The following ACVR1 variants were observed in gnomAD, a reference collection of about 807,000 sequenced individuals.
ACVR1 encodes the protein activin A receptor type 1, also known as activin receptor type-1.
A neutral mutation model predicts 57.1 loss-of-function variants in ACVR1; 38 were observed. The observed-to-expected ratio is 0.67, with a 90% CI of 0.51 to 0.87. The LOEUF (loss-of-function observed/expected upper bound fraction) is 0.87. ACVR1 is among the 40% of genes least tolerant of loss of function. The pLI is 0.00. For missense variants in ACVR1, 463 were observed against 638.2 expected (o/e 0.73, Z 2.96); for synonymous variants, 212 against 228.1 (o/e 0.93, Z 0.63).
chr2:157,807,789 G>A (rs1687603919), intron 2 of ACVR1, among the ~76,000 whole-genome samples: 1 of 133,216 alleles, frequency 7.5e-6, no homozygotes, highest in Non-Finnish European at 1.5e-5. Flanking sequence ...TACAGTGTTA[G>A]AAGCACTGCT....
In ACVR1 at chr2:157,741,500, G is replaced by A. The variant is rs542260644; in HGVS notation, c.1265-2930C>T. Among the ~76,000 whole-genome samples the A allele has an allele frequency of 5.9e-5, 9 of 151,780 alleles. No individual in the cohort carries two copies. The South Asian group carries it at 6.2e-4, about 11-fold the overall frequency. On this transcript the variant is annotated intron_variant, in intron 9 of 10. Coordinates refer to ENST00000434821, the MANE Select transcript of ACVR1 (RefSeq NM_001111067.4). ...ATTAGCTTGGTGTGGTGGTGTGTGC[G>A]TGTAGTCCAGGCAACTAGGGAGGCT...
intron 1 of ACVR1, among the ~76,000 whole-genome samples, chr2:157,853,002 G>A (rs941538271): frequency 6.6e-6 from 1 of 152,182 alleles, no homozygotes. Flanking sequence ...AAAACTTATT[G>A]TAGCTAGTAA....
At chr2:157,772,094 AAAGAAAACAG>A (rs1301247226) in intron 6 of ACVR1, among the ~76,000 whole-genome samples, 1 of 152,224 alleles carries the variant, frequency 6.6e-6, no homozygotes, top group Non-Finnish European at 1.5e-5. Flanking sequence ...TTGTTGTTTT[AAAGAAAACAG>A]AAGATGAATG....
chr2:157,828,850 T>C (rs1688485947), intron 1 of ACVR1, among the ~76,000 whole-genome samples: 1 of 152,152 alleles, frequency 6.6e-6, no homozygotes, highest in Non-Finnish European at 1.5e-5. Flanking sequence ...CACTCCAACC[T>C]CTGCCTCCCG....
In ACVR1 at chr2:157,780,335, A is replaced by C; in HGVS notation, c.331+2T>G. On this transcript the variant is annotated splice_donor_variant, in intron 4 of 10. Coordinates refer to ENST00000434821, the MANE Select transcript of ACVR1 (RefSeq NM_001111067.4). LOFTEE classifies it high-confidence loss of function. ...TCTAGAAATAGAAAAGTCCATGGGA[A>C]CCTTTAGTGGGCAGCTGGGCCGTGA... 6.2e-7 allele frequency: 1 copy of C among 1,614,150 alleles called. No individual in the cohort carries two copies. Among genetic ancestry groups the C allele is most frequent in the Non-Finnish European group, 8.5e-7 (1 of 1,180,008 alleles).
intron 1 of ACVR1, among the ~76,000 whole-genome samples, chr2:157,866,462 T>C (rs748494150): frequency 1.3e-5 from 2 of 152,198 alleles, no homozygotes; most frequent in Non-Finnish European, 2.9e-5. Flanking sequence ...AAAGCTTCTC[T>C]GAATTTGAAA....
chr2:157,741,901 G>C (rs1463516805), intron 9 of ACVR1, among the ~76,000 whole-genome samples: 2 of 152,254 alleles, frequency 1.3e-5, no homozygotes, highest in South Asian at 4.1e-4. Flanking sequence ...GAAAGGTCAA[G>C]AGTTTGCAAG....
intron 9 of ACVR1, among the ~76,000 whole-genome samples, chr2:157,741,508 C>G (rs1158616726): frequency 2.6e-5 from 4 of 151,626 alleles, no homozygotes; most frequent in Non-Finnish European, 4.4e-5. Context: ...GCGTGTAGTC[C>G]AGGCAACTAG....
chr2:157,751,434 C>G (rs543615957), intron 9 of ACVR1, among the ~76,000 whole-genome samples: 9 of 152,208 alleles, frequency 5.9e-5, no homozygotes, highest in Admixed American at 1.3e-4. Context: ...AAATTCTAAC[C>G]GAATGCAAAG....
intron 2 of ACVR1, among the ~76,000 whole-genome samples, chr2:157,815,825 C>T (rs1194712819): frequency 1.3e-5 from 2 of 152,152 alleles, no homozygotes; most frequent in Non-Finnish European, 2.9e-5. Context: ...AGCCCCAAGC[C>T]GTGCATCGTC....
chr2:157,792,089 T>A (rs1282047482), intron 3 of ACVR1, among the ~76,000 whole-genome samples: 1 of 151,400 alleles, frequency 6.6e-6, no homozygotes, highest in African/African-American at 2.4e-5. Context: ...GAAGGAGTCA[T>A]CCCCACCCCA....
chr2:157,874,435 G>A (rs1171453625), intron 1 of ACVR1, among the ~76,000 whole-genome samples: 1 of 152,156 alleles, frequency 6.6e-6, no homozygotes. Context: ...GCTGCATGGC[G>A]AGGCCGATGT....
At chr2:157,841,956 G>A (rs1688993907) in intron 1 of ACVR1, among the ~76,000 whole-genome samples, 1 of 150,472 alleles carries the variant, frequency 6.6e-6, no homozygotes, top group African/African-American at 2.5e-5. Flanking sequence ...GAACCCGGGA[G>A]GCAGAGCTTG....
intron 1 of ACVR1, among the ~76,000 whole-genome samples, chr2:157,840,518 G>A (rs1274859716): frequency 6.6e-6 from 1 of 151,972 alleles, no homozygotes; most frequent in African/African-American, 2.4e-5. Flanking sequence ...TGAGCTAAAA[G>A]TGCAAAGTGT....
In ACVR1 at chr2:157,736,885, A is replaced by C. The variant is rs1684552692; in HGVS notation, c.*646T>G. On this transcript the variant is annotated 3_prime_UTR_variant, in exon 11 of 11. Transcript: ENST00000434821. ...AAACTACTAAGTGCACAAGTAATAA[A>C]TAATTTGCAAAGTTGTGTATAAACA... The C allele has an allele frequency of 3.1e-6, 1 of 322,320 alleles. No homozygotes were observed. The highest frequency in any genetic ancestry group is 5.7e-6 in the Non-Finnish European group (1 of 175,168). The allele number at this position is 322,320 out of a possible 1,614,324, so 20.0% of individuals were successfully genotyped here.
chr2:157,822,213 G>T (rs1688186580), intron 1 of ACVR1, among the ~76,000 whole-genome samples: 1 of 152,196 alleles, frequency 6.6e-6, no homozygotes. Context: ...ATGGACTTAG[G>T]AAGCAGCCAA....
chr2:157,855,269 A>AGTGTGT (rs532193935), intron 1 of ACVR1, among the ~76,000 whole-genome samples: 45 of 85,166 alleles, frequency 5.3e-4, no homozygotes, highest in Admixed American at 1.6e-3. Flanking sequence ...AAAAAAAAAA[A>AGTGTGT]GTGTGTGTGT....
chr2:157,819,496 CAAAAA>C (rs3030654), intron 1 of ACVR1: 9 of 127,614 alleles, frequency 7.1e-5, no homozygotes, highest in Non-Finnish European at 8.3e-5. Flanking sequence ...AACTCTGTCT[CAAAAA>C]AAAAAAAAAA....
intron 1 of ACVR1, among the ~76,000 whole-genome samples, chr2:157,820,862 T>C (rs1688138387): frequency 6.6e-6 from 1 of 152,230 alleles, no homozygotes; most frequent in Non-Finnish European, 1.5e-5. Context: ...CTTCACTGTT[T>C]GGCCCTCTTT....
Sources: allele counts gnomAD v4.1 joint callset (sites outside exome capture counted in the v4.1 genomes callset), GRCh38; gene constraint gnomAD v4.1.1; transcripts MANE v1.5; gene names NCBI Gene and HGNC (gene_info 2026-07-23, HGNC 2026-07-21).